CDK12: variants seen among roughly 807,000 people sequenced by gnomAD.
The protein encoded by CDK12 is cyclin dependent kinase 12.
CDK12 carries 17 observed loss-of-function variants against 133.8 expected under a neutral mutation model. That is an observed-to-expected ratio of 0.13 (90% CI 0.09 to 0.19). The LOEUF (loss-of-function observed/expected upper bound fraction) is 0.19. CDK12 is among the 10% of genes least tolerant of loss of function. The pLI is 1.00. For missense variants in CDK12, 1,508 were observed against 1,818.7 expected (o/e 0.83, Z 3.11); for synonymous variants, 694 against 683.6 (o/e 1.02, Z -0.24).
At chr17:39,547,327 G>A (rs181363937), upstream of CDK12, among the ~76,000 whole-genome samples, 404 of 151,932 alleles carry the variant, frequency 2.7e-3, 1 homozygote, top group Middle Eastern at 0.014. Flanking sequence ...TTAGAGATGG[G>A]GTTTCTCCAT....
At chr17:39,509,854 T>C in intron 7 of CDK12, 93 bp downstream of exon 7, 2 of 958,718 alleles carry the variant, frequency 2.1e-6, no homozygotes, top group Non-Finnish European at 3.4e-6. Context: ...CAGGCTGGAG[T>C]GCGTGGCTTG....
At chr17:39,538,948 CATACATAA>C (rs1263721936), downstream of CDK12, among the ~76,000 whole-genome samples, 29 of 151,798 alleles carry the variant, frequency 1.9e-4, no homozygotes, top group South Asian at 1.9e-3. Flanking sequence ...TACATACATA[CATACATAA>C]GGCTAGTATC....
intron 2 of CDK12, among the ~76,000 whole-genome samples, chr17:39,473,595 A>T (rs2049961587): frequency 6.6e-6 from 1 of 152,030 alleles, no homozygotes; most frequent in Admixed American, 6.6e-5. Context: ...AAAATACAAA[A>T]ATTAGCCGGG....
intron 2 of CDK12, among the ~76,000 whole-genome samples, chr17:39,472,464 A>C (rs1177622741): frequency 6.6e-6 from 1 of 150,858 alleles, no homozygotes; most frequent in African/African-American, 2.4e-5. Flanking sequence ...ACCTGAGGTC[A>C]GGGGTTCAAG....
At chr17:39,489,567 C>T (rs1333485172) in intron 2 of CDK12, among the ~76,000 whole-genome samples, 2 of 148,556 alleles carry the variant, frequency 1.3e-5, no homozygotes, top group South Asian at 2.1e-4. Flanking sequence ...TGCAGTGGCA[C>T]GATCTTGGCT....
At position 39,520,104 on chromosome 17, in the gene CDK12, A is replaced by G; in HGVS notation, c.3095+17A>G. The G allele has an allele frequency of 6.2e-7, 1 of 1,613,532 alleles. No individual in the cohort carries two copies. The highest frequency in any genetic ancestry group is 8.5e-7 in the Non-Finnish European group (1 of 1,179,714). On this transcript the variant is annotated intron_variant, in intron 11 of 13. Transcript: ENST00000447079. ...TCCTCCAGAGTAAGTGCTGGTAGCC[A>G]TGTTGTGACCCTAAATCTTTCCCTG...
rs746609194 is a variant in CDK12 at position 39,470,970 on chromosome 17, C to T, written c.1138C>T (p.Arg380Cys). The T allele has an allele frequency of 3.7e-6, 6 of 1,613,904 alleles. No individual in the cohort carries two copies. Among genetic ancestry groups the T allele is most frequent in the South Asian group, 3.3e-5 (3 of 91,076 alleles). ...SKKKRSSSRS[R>C]HSSISPVRLP... is the part of the protein sequence containing the mutation. ...AAAGAAGAGATCCAGTTCACGCAGTCGTCATTCCAGTATCTCACCTGTCAG... is the reference window on the plus strand; with the variant it reads ...AAAGAAGAGATCCAGTTCACGCAGTTGTCATTCCAGTATCTCACCTGTCAG... Residue 380 changes from arginine (R) to cysteine (C), a missense_variant, in exon 2 of 14, where the codon CGT becomes TGT. Physicochemically the swap from Arg to Cys is radical, Grantham distance 180 (BLOSUM62 -3). Transcript: ENST00000447079.
At position 39,519,945 on chromosome 17, in the gene CDK12, C is replaced by A. The variant is rs768297198; in HGVS notation, c.2964-11C>A. 6.2e-7 allele frequency: 1 copy of A among 1,613,388 alleles called. No homozygotes were observed. The highest frequency in any genetic ancestry group is 1.7e-5 in the Admixed American group (1 of 59,940). On this transcript the variant is annotated splice_polypyrimidine_tract_variant and intron_variant, in intron 10 of 13. Coordinates refer to ENST00000447079, the MANE Select transcript of CDK12 (RefSeq NM_016507.4). Reference sequence around the variant, plus strand: ...ATTGTGAACTTGTCCTTTCTGTGTTCTTTTCCATAGCATTCCTTCTGCAGC... The same window carrying A: ...ATTGTGAACTTGTCCTTTCTGTGTTATTTTCCATAGCATTCCTTCTGCAGC...
At chr17:39,480,802 C>G (rs1027478632) in intron 2 of CDK12, among the ~76,000 whole-genome samples, 1 of 152,128 alleles carries the variant, frequency 6.6e-6, no homozygotes, top group Non-Finnish European at 1.5e-5. Flanking sequence ...GTGAATTCAG[C>G]TAATGGTATT....
At position 39,525,941 on chromosome 17, in the gene CDK12, C is replaced by T. The variant is rs780423322; in HGVS notation, c.3385C>T (p.Leu1129=). 5.6e-6 allele frequency: 9 copies of T among 1,614,152 alleles called. No homozygotes were observed. The highest frequency in any genetic ancestry group is 7.6e-6 in the Non-Finnish European group (9 of 1,180,026). The part of the protein sequence containing the change: ...LLNLLQSQTD[L]SIPQMAQLLN... ...AAACCTGCTGCAGAGCCAAACCGACCTGAGCATCCCTCAAATGGCACAGCT... is the reference window on the plus strand; with the variant it reads ...AAACCTGCTGCAGAGCCAAACCGACTTGAGCATCCCTCAAATGGCACAGCT... Residue 1129 remains leucine, a synonymous_variant, in exon 13 of 14, where the codon CTG becomes TTG. Transcript: ENST00000447079.
chr17:39,494,382 C>A (rs922772420), intron 4 of CDK12, 142 bp from the exon 5 acceptor site: 3 of 677,500 alleles, frequency 4.4e-6, no homozygotes, highest in African/African-American at 1.8e-5. Context: ...CTAGAGTTTA[C>A]TTTTTAAAGG....
intron 13 of CDK12, among the ~76,000 whole-genome samples, chr17:39,528,355 A>G (rs2054615364): frequency 6.6e-6 from 1 of 151,958 alleles, no homozygotes; most frequent in South Asian, 2.1e-4. Flanking sequence ...TGTTTTTGAG[A>G]TGGAGTCTCG....
chr17:39,462,207 A>G lies in CDK12; in HGVS notation c.136A>G (p.Lys46Glu). The change falls in exon 1 of 14, where the codon AAG (lysine) becomes GAG (glutamate). Residue 46 changes from lysine (K) to glutamate (E), a missense_variant. Physicochemically the swap from Lys to Glu is moderately conservative, Grantham distance 56 (BLOSUM62 1). Around this residue, in one of 9 missense-constraint regions of CDK12, gnomAD observed 460 missense variants for 490.8 expected, o/e 0.94. Coordinates refer to ENST00000447079, the MANE Select transcript of CDK12 (RefSeq NM_016507.4). Reference sequence around the variant, plus strand: ...CTTGGTATCGAAGCACAAGCGGCATAAGTCCAAACACTCCAAAGACATGGG... The same window carrying G: ...CTTGGTATCGAAGCACAAGCGGCATGAGTCCAAACACTCCAAAGACATGGG... ...HRLVSKHKRH[K>E]SKHSKDMGLV... 6.2e-7 allele frequency: 1 copy of G among 1,614,202 alleles called. No individual in the cohort carries two copies. The highest frequency in any genetic ancestry group is 8.5e-7 in the Non-Finnish European group (1 of 1,180,032).
intron 1 of CDK12, among the ~76,000 whole-genome samples, chr17:39,541,514 G>A (rs553984378): frequency 2.0e-5 from 3 of 152,074 alleles, no homozygotes; most frequent in South Asian, 2.1e-4. Flanking sequence ...ACAGGCACCC[G>A]CCACCATGCC....
intron 3 of CDK12, among the ~76,000 whole-genome samples, chr17:39,561,139 T>G (rs867897153): frequency 3.3e-5 from 5 of 152,188 alleles, no homozygotes; most frequent in Admixed American, 1.3e-4. Flanking sequence ...TCCAGACACC[T>G]GAGACCTGGA....
At chr17:39,495,491 AG>A (rs1320471696) in intron 5 of CDK12, among the ~76,000 whole-genome samples, 1 of 150,676 alleles carries the variant, frequency 6.6e-6, no homozygotes, top group Non-Finnish European at 1.5e-5. Flanking sequence ...TAGAAGAAGA[AG>A]AAAAAGAAGA....
In CDK12 at chr17:39,509,744, C is replaced by G. The variant is rs1273698217; in HGVS notation, c.2649C>G (p.Leu883=). The change falls in exon 7 of 14, where the codon CTC becomes CTG. Residue 883 remains leucine, a synonymous_variant. Coordinates refer to ENST00000447079, the MANE Select transcript of CDK12 (RefSeq NM_016507.4). ...TAGCAGATTTTGGACTTGCTCGGCTCTATAACTCTGAAGAGAGGTAAGGCA... is the reference window on the plus strand; with the variant it reads ...TAGCAGATTTTGGACTTGCTCGGCTGTATAACTCTGAAGAGAGGTAAGGCA... ...IKLADFGLAR[L]YNSEESRPYT... is the part of the protein sequence containing the mutation. 5.0e-6 allele frequency: 8 copies of G among 1,611,256 alleles called. No homozygotes were observed. Among genetic ancestry groups the G allele is most frequent in the Non-Finnish European group, 6.8e-6 (8 of 1,177,470 alleles).
In CDK12 at chr17:39,520,180, C is replaced by T. The variant is rs1022439420; in HGVS notation, c.3095+93C>T. 5.9e-6 allele frequency: 8 copies of T among 1,359,540 alleles called. No individual in the cohort carries two copies. The African/African-American group carries it at 1.0e-4, about 17-fold the overall frequency. The allele number at this position is 1,359,540 out of a possible 1,614,324, so 84.2% of individuals were successfully genotyped here. A position where few individuals can be genotyped will look rare whatever the true frequency, so the allele number is the denominator to read the frequency against. The stretch of plus-strand genomic sequence containing the variant: ...AAAGAACCACAGATGCCCAGTAAGA[C>T]CCAAATGAAGAGGTGTCTTTGAGTA... On this transcript the variant is annotated intron_variant, in intron 11 of 13. Coordinates refer to ENST00000447079, the MANE Select transcript of CDK12 (RefSeq NM_016507.4).
chr17:39,511,700 T>A, intron 8 of CDK12, 70 bp downstream of exon 8: 1 of 930,206 alleles, frequency 1.1e-6, no homozygotes, highest in Non-Finnish European at 1.6e-6. Context: ...GTTTTCTCTG[T>A]ACACTGGCTT....
Sources: allele counts gnomAD v4.1 joint callset (sites outside exome capture counted in the v4.1 genomes callset), GRCh38; gene constraint gnomAD v4.1.1; regional missense constraint gnomAD v4.1.1; transcripts MANE v1.5; gene names NCBI Gene and HGNC (gene_info 2026-07-23, HGNC 2026-07-21).